The following NBAS variants were observed in gnomAD, a reference collection of about 807,000 sequenced individuals.
The protein encoded by NBAS is NBAS subunit of NRZ tethering complex.
In NBAS, 219 loss-of-function variants were observed where a neutral mutation model predicts 302.5. That is an observed-to-expected ratio of 0.72 (90% CI 0.65 to 0.81). NBAS has a LOEUF of 0.81. NBAS is among the 30% of genes least tolerant of loss of function. The pLI is 0.00. For missense variants in NBAS, 2,932 were observed against 2,841.6 expected (o/e 1.03, Z -0.72); for synonymous variants, 1,118 against 1,021.6 (o/e 1.09, Z -1.80).
intron 18 of NBAS, 68 bp downstream of exon 18, chr2:15,467,596 T>G: frequency 6.8e-7 from 1 of 1,470,288 alleles, no homozygotes. Flanking sequence ...TTATTACTAG[T>G]AAGGAACACA....
chr2:14,822,952 CA>C, the NBAS span, among the ~76,000 whole-genome samples: 359 of 152,300 alleles, frequency 2.4e-3, no homozygotes, highest in African/African-American at 7.9e-3. Flanking sequence ...CTAGAGAGAG[CA>C]AATGACTTTC....
chr2:15,082,519 A>C, the NBAS span, among the ~76,000 whole-genome samples: 3 of 151,914 alleles, frequency 2.0e-5, no homozygotes, highest in Non-Finnish European at 2.9e-5. Context: ...TCCATGCTGC[A>C]CCCCAGCTCC....
intron 25 of NBAS, among the ~76,000 whole-genome samples, chr2:15,406,648 G>A (rs1676429172): frequency 6.6e-6 from 1 of 152,082 alleles, no homozygotes. Flanking sequence ...ATTAATATAT[G>A]CCACAGAGAA....
the NBAS span, among the ~76,000 whole-genome samples, chr2:15,103,095 C>T: frequency 2.0e-5 from 3 of 151,972 alleles, no homozygotes; most frequent in Non-Finnish European, 2.9e-5. Flanking sequence ...GCCTATCCAG[C>T]CAGTTAAGAA....
the NBAS span, among the ~76,000 whole-genome samples, chr2:15,052,637 C>T: frequency 2.0e-5 from 3 of 152,188 alleles, no homozygotes; most frequent in Non-Finnish European, 4.4e-5. Context: ...CTATAAAGCA[C>T]CTAATCCAGC....
At chr2:14,942,514 GA>G in the NBAS span, among the ~76,000 whole-genome samples, 1 of 152,166 alleles carries the variant, frequency 6.6e-6, no homozygotes, top group African/African-American at 2.4e-5. Flanking sequence ...GGCTTCCTCA[GA>G]AGCTAAGCAG....
chr2:15,506,865 G>A (rs944216289), intron 10 of NBAS, among the ~76,000 whole-genome samples: 10 of 152,224 alleles, frequency 6.6e-5, no homozygotes, highest in African/African-American at 1.2e-4. Context: ...GAAAGAATAC[G>A]AAGAAAACAA....
intron 9 of NBAS, among the ~76,000 whole-genome samples, chr2:15,533,905 G>T (rs1295109630): frequency 3.3e-5 from 5 of 152,096 alleles, no homozygotes; most frequent in Non-Finnish European, 7.4e-5. Context: ...CTCAAGTTAT[G>T]TTTGTCTTAT....
At chr2:15,527,785 G>A (rs1195295285) in intron 9 of NBAS, among the ~76,000 whole-genome samples, 2 of 152,084 alleles carry the variant, frequency 1.3e-5, no homozygotes, top group African/African-American at 4.8e-5. Flanking sequence ...TTTAAACAGC[G>A]CCCAAACTGT....
chr2:15,302,056 G>A (rs1318755484), intron 40 of NBAS, among the ~76,000 whole-genome samples: 1 of 152,206 alleles, frequency 6.6e-6, no homozygotes, highest in Non-Finnish European at 1.5e-5. Context: ...TGATGTTCAC[G>A]AGGCTGTCGC....
the NBAS span, among the ~76,000 whole-genome samples, chr2:14,790,649 CTTTT>C: frequency 7.2e-5 from 9 of 124,398 alleles, no homozygotes; most frequent in Non-Finnish European, 1.3e-4. Context: ...GAATTCATGC[CTTTT>C]TTTTTTTTTT....
At chr2:14,970,096 G>A in the NBAS span, among the ~76,000 whole-genome samples, 2 of 152,230 alleles carry the variant, frequency 1.3e-5, no homozygotes, top group Non-Finnish European at 1.5e-5. Context: ...AGAAAAATTA[G>A]TTAATTTTCT....
the NBAS span, among the ~76,000 whole-genome samples, chr2:15,053,632 C>G: frequency 2.0e-5 from 3 of 151,980 alleles, no homozygotes; most frequent in Admixed American, 2.0e-4. Flanking sequence ...TGAAAGAAGC[C>G]TAGTGTCCTT....
intron 30 of NBAS, 26 bp downstream of exon 30, chr2:15,379,576 T>C: frequency 6.2e-7 from 1 of 1,601,226 alleles, no homozygotes; most frequent in Non-Finnish European, 8.6e-7. Flanking sequence ...CCCTCCATCT[T>C]AGGGAAGAAT....
intron 38 of NBAS, among the ~76,000 whole-genome samples, chr2:15,318,092 T>A (rs1428267741): frequency 6.6e-6 from 1 of 152,200 alleles, no homozygotes; most frequent in Non-Finnish European, 1.5e-5. Context: ...GGGGCCAATA[T>A]TCAACATTCT....
chr2:15,421,016 A>T (rs1300245066), intron 23 of NBAS, among the ~76,000 whole-genome samples: 1 of 152,210 alleles, frequency 6.6e-6, no homozygotes, highest in East Asian at 1.9e-4. Flanking sequence ...GTACAGTATG[A>T]GGCAAAATAT....
intron 44 of NBAS, among the ~76,000 whole-genome samples, chr2:15,241,692 C>T (rs550697359): frequency 2.4e-4 from 37 of 152,300 alleles, no homozygotes; most frequent in Middle Eastern, 3.4e-3. Context: ...TAAACAGATG[C>T]TGACATTTAA....
At chr2:15,310,823 A>C (rs1558523653) in intron 38 of NBAS, among the ~76,000 whole-genome samples, 2 of 152,208 alleles carry the variant, frequency 1.3e-5, no homozygotes, top group Admixed American at 6.5e-5. Flanking sequence ...TGTGAATATA[A>C]ACTTCTTCCT....
At chr2:15,514,137 T>C (rs1662276134) in intron 9 of NBAS, among the ~76,000 whole-genome samples, 1 of 152,172 alleles carries the variant, frequency 6.6e-6, no homozygotes, top group African/African-American at 2.4e-5. Flanking sequence ...ACAGATAAAA[T>C]AATATGCTGT....
Sources: allele counts gnomAD v4.1 joint callset (sites outside exome capture counted in the v4.1 genomes callset), GRCh38; gene constraint gnomAD v4.1.1; transcripts MANE v1.5; gene names NCBI Gene and HGNC (gene_info 2026-07-23, HGNC 2026-07-21).